Variants in ENPEP observed in about 807,000 individuals in gnomAD.
The protein encoded by ENPEP is AP-A.
ENPEP carries 103 observed loss-of-function variants against 114.5 expected under a neutral mutation model. The ratio of observed to expected loss-of-function variants is 0.90; its 90% CI spans 0.77 to 1.06. ENPEP has a LOEUF of 1.06. Ranked by LOEUF, ENPEP falls within the 50% of genes least tolerant of loss-of-function variation. ENPEP has a pLI of 0.00. For missense variants in ENPEP, 1,196 were observed against 1,161.3 expected (o/e 1.03, Z -0.43); for synonymous variants, 420 against 422.0 (o/e 1.00, Z 0.06).
Position 110,509,803 on chromosome 4 carries a change from A to ATGGTACAGAAT in ENPEP, c.1191_1192insGGTACAGAATT (p.Gln398GlyfsTer11). The ATGGTACAGAAT allele has an allele frequency of 6.2e-7, 1 of 1,613,046 alleles. No homozygotes were observed. The highest frequency in any genetic ancestry group is 8.5e-7 in the Non-Finnish European group (1 of 1,179,762). On this transcript the variant is annotated frameshift_variant, in exon 5 of 20. Coordinates refer to ENST00000265162, the MANE Select transcript of ENPEP (RefSeq NM_001977.4). LOFTEE classifies it high-confidence loss of function. ...ACTGTGGTTGCCCATGAACTTGTGCATCAGGTACAGAATCTTAGCACTGAA... is the reference window on the plus strand; with the variant it reads ...ACTGTGGTTGCCCATGAACTTGTGCATGGTACAGAATTCAGGTACAGAATCTTAGCACTGAA...
At chr4:110,506,413 G>T (rs935262240) in intron 3 of ENPEP, among the ~76,000 whole-genome samples, 14 of 152,172 alleles carry the variant, frequency 9.2e-5, no homozygotes, top group African/African-American at 3.1e-4. Flanking sequence ...ATCACTTAGT[G>T]AGTTGTGAAG....
chr4:110,550,668 T>C (rs1218266801), intron 17 of ENPEP, among the ~76,000 whole-genome samples: 3 of 152,122 alleles, frequency 2.0e-5, no homozygotes, highest in African/African-American at 7.2e-5. Context: ...GTCTGAGTTA[T>C]TTACTTCATT....
intron 10 of ENPEP, among the ~76,000 whole-genome samples, chr4:110,522,627 T>C (rs532949395): frequency 6.6e-6 from 1 of 152,268 alleles, no homozygotes; most frequent in East Asian, 1.9e-4. Context: ...CATACGTAGA[T>C]ACACCCTCAC....
chr4:110,495,660 G>A (rs1001757021), intron 3 of ENPEP, among the ~76,000 whole-genome samples: 1 of 152,200 alleles, frequency 6.6e-6, no homozygotes, highest in Non-Finnish European at 1.5e-5. Flanking sequence ...GGCAGAGGTT[G>A]CGGTGAGCCG....
chr4:110,500,089 G>A (rs1417233987), intron 3 of ENPEP: 1 of 152,158 alleles, frequency 6.6e-6, no homozygotes, highest in Non-Finnish European at 1.5e-5. Flanking sequence ...GTTCAAGGAA[G>A]ATTGATCTAA....
intron 10 of ENPEP, among the ~76,000 whole-genome samples, chr4:110,528,778 G>A (rs1349283262): frequency 6.6e-6 from 1 of 152,120 alleles, no homozygotes; most frequent in Non-Finnish European, 1.5e-5. Context: ...AGTTTCCTTA[G>A]AGAAAATTAG....
At chr4:110,558,904 C>T (rs1727583772) in intron 18 of ENPEP, among the ~76,000 whole-genome samples, 1 of 152,214 alleles carries the variant, frequency 6.6e-6, no homozygotes, top group Non-Finnish European at 1.5e-5. Context: ...ATAACCCCCA[C>T]ATGCCAGCAA....
chr4:110,552,027 G>A (rs1052060563), intron 17 of ENPEP, among the ~76,000 whole-genome samples: 2 of 152,152 alleles, frequency 1.3e-5, no homozygotes, highest in African/African-American at 4.8e-5. Flanking sequence ...TTCTGTTCAT[G>A]AAGTACCTGT....
rs374609714 is a variant in ENPEP, at chr4:110,509,686, C to G, written c.1073C>G (p.Ala358Gly). Residue 358 changes from alanine to glycine, a missense_variant, in exon 5 of 20, where the codon GCC (alanine) becomes GGC (glycine). Transcript: ENST00000265162. Reference sequence around the variant, plus strand: ...GCTATTCCAGATTTTGGCACTGGTGCCATGGAGAACTGGGGACTCATCACG... The same window carrying G: ...GCTATTCCAGATTTTGGCACTGGTGGCATGGAGAACTGGGGACTCATCACG... ...KIAIPDFGTG[A>G]MENWGLITYR... is the part of the protein sequence containing the mutation. The G allele has an allele frequency of 6.8e-6, 11 of 1,613,458 alleles. No individual in the cohort carries two copies. Among genetic ancestry groups the G allele is most frequent in the Non-Finnish European group, 9.3e-6 (11 of 1,179,886 alleles).
At chr4:110,490,979 C>CAT in intron 2 of ENPEP, 54 bp from the exon 3 acceptor site, 1 of 1,563,282 alleles carries the variant, frequency 6.4e-7, no homozygotes, top group Non-Finnish European at 8.7e-7. Flanking sequence ...GTTTGTCTTG[C>CAT]ATATATATGA....
At chr4:110,561,209 A>G (rs1306170484) in intron 19 of ENPEP, among the ~76,000 whole-genome samples, 197 bp from the exon 20 acceptor site, 6 of 152,154 alleles carry the variant, frequency 3.9e-5, no homozygotes, top group Admixed American at 3.9e-4. Context: ...TGCTGTGGGG[A>G]TCCAAAAGCC....
At chr4:110,500,288 TA>T (rs944794004) in intron 3 of ENPEP, 1 of 152,084 alleles carries the variant, frequency 6.6e-6, no homozygotes, top group Non-Finnish European at 1.5e-5. Flanking sequence ...TCCAATATGA[TA>T]AGGGAAAAGC....
chr4:110,501,960 C>T (rs984713381), intron 3 of ENPEP, among the ~76,000 whole-genome samples: 2 of 151,972 alleles, frequency 1.3e-5, no homozygotes, highest in African/African-American at 4.8e-5. Flanking sequence ...ATTTTTTGAC[C>T]TTTTAATAAT....
At chr4:110,499,286 C>A (rs973819709) in intron 3 of ENPEP, among the ~76,000 whole-genome samples, 2 of 152,086 alleles carry the variant, frequency 1.3e-5, no homozygotes, top group Non-Finnish European at 2.9e-5. Flanking sequence ...TTATTTAATA[C>A]TCGAAATAAC....
intron 11 of ENPEP, among the ~76,000 whole-genome samples, chr4:110,532,096 GT>G (rs1300544830): frequency 1.3e-5 from 2 of 152,086 alleles, no homozygotes; most frequent in African/African-American, 4.8e-5. Context: ...TTTTTACTCT[GT>G]TTCCAGTAGA....
At chr4:110,524,467 A>C (rs1315350427) in intron 10 of ENPEP, among the ~76,000 whole-genome samples, 1 of 152,212 alleles carries the variant, frequency 6.6e-6, no homozygotes, top group South Asian at 2.1e-4. Flanking sequence ...CTTCTAAACA[A>C]CACTAGCTAA....
Position 110,549,850 on chromosome 4 carries a change from G to T in ENPEP, c.2465G>T (p.Gly822Val). Residue 822 changes from glycine to valine, a missense_variant, in exon 17 of 20, where the codon GGA becomes GTA. By Grantham distance (109) the Gly-to-Val change is moderately radical. Coordinates refer to ENST00000265162, the MANE Select transcript of ENPEP (RefSeq NM_001977.4). ...CAAGAAAAAGAAAAACTGCTGTATG[G>T]ATTAGCATCAGTGAAGAACGTTACT... Reference protein sequence around the residue: ...LAQEKEKLLYGLASVKNVTLL... With the variant: ...LAQEKEKLLYVLASVKNVTLL... The T allele has an allele frequency of 6.2e-7, 1 of 1,612,768 alleles. No homozygotes were observed. The highest frequency in any genetic ancestry group is 1.1e-5 in the South Asian group (1 of 90,988).
chr4:110,547,605 CA>C (rs1727116194), intron 13 of ENPEP, among the ~76,000 whole-genome samples: 1 of 151,994 alleles, frequency 6.6e-6, no homozygotes, highest in South Asian at 2.1e-4. Flanking sequence ...TTTAAAATAT[CA>C]ACAGTGTCTT....
At chr4:110,537,997 G>A (rs539031065) in intron 11 of ENPEP, among the ~76,000 whole-genome samples, 70 of 152,280 alleles carry the variant, frequency 4.6e-4, no homozygotes, top group African/African-American at 1.2e-3. Flanking sequence ...CAGACGTGCC[G>A]TCACCCAGGC....
Sources: gnomAD v4.1 joint callset for allele counts (sites outside exome capture counted in the v4.1 genomes callset) on GRCh38, gnomAD v4.1.1 for gene constraint, MANE v1.5 for transcripts, NCBI Gene and HGNC (gene_info 2026-07-23, HGNC 2026-07-21) for gene names.